The following MYSM1 variants were observed in gnomAD, a reference collection of about 807,000 sequenced individuals.
MYSM1 encodes Myb like, SWIRM and MPN domains 1.
In MYSM1, 51 loss-of-function variants were observed where a neutral mutation model predicts 116.0. The ratio of observed to expected loss-of-function variants is 0.44; its 90% CI spans 0.35 to 0.56. MYSM1 has a LOEUF of 0.56. MYSM1 is among the 20% of genes least tolerant of loss of function. The probability of loss-of-function intolerance (pLI) is 0.00; values close to 1 mark genes in which losing one functional copy is unlikely to be tolerated. For synonymous variants in MYSM1, 313 were observed against 315.2 expected, an observed-to-expected ratio of 0.99 and a Z score of 0.07; for missense variants, 900 against 974.9, an observed-to-expected ratio of 0.92 and a Z score of 1.02.
rs928608515 is a variant in MYSM1 at position 58,656,729 on chromosome 1, C to T, written c.*3268G>A. 4.6e-5 allele frequency: 7 copies of T among 152,136 alleles called. No individual in the cohort carries two copies. The highest frequency in any genetic ancestry group is 1.7e-4 in the African/African-American group (7 of 41,416). The allele number at this position is 152,136 out of a possible 1,614,324, so 9.4% of individuals were successfully genotyped here. A position where few individuals can be genotyped will look rare whatever the true frequency, so the allele number is the denominator to read the frequency against. Reference sequence around the variant, plus strand: ...GGAGAAGGGGACAGAATAATGACTGCTATTTTTCCAATGATGCCCTTCAGA... The same window carrying T: ...GGAGAAGGGGACAGAATAATGACTGTTATTTTTCCAATGATGCCCTTCAGA... On this transcript the variant is annotated 3_prime_UTR_variant, in exon 20 of 20. Transcript: ENST00000472487.
At chr1:58,686,601 C>T (rs1221783771) in intron 6 of MYSM1, among the ~76,000 whole-genome samples, 1 of 152,168 alleles carries the variant, frequency 6.6e-6, no homozygotes, top group African/African-American at 2.4e-5. Flanking sequence ...TTCTTAAACT[C>T]AAAGTGCTTC....
chr1:58,665,273 C>T (rs1212045644), intron 17 of MYSM1, among the ~76,000 whole-genome samples: 2 of 152,160 alleles, frequency 1.3e-5, no homozygotes, highest in Non-Finnish European at 2.9e-5. Context: ...TATTTCAATC[C>T]TTTTGCCCAG....
Position 58,679,427 on chromosome 1 carries a change from T to A in MYSM1, c.1259+2358A>T, listed in dbSNP as rs987556227. Among the ~76,000 whole-genome samples, 3 of 152,152 alleles carry A rather than the reference T, an allele frequency of 2.0e-5. No homozygotes were observed. The East Asian group carries it at 5.8e-4, about 29-fold the overall frequency. On this transcript the variant is annotated intron_variant, in intron 8 of 19. Transcript: ENST00000472487. The stretch of plus-strand genomic sequence containing the variant: ...AAAATTCAAAGTAACAAATATAGAA[T>A]TTGATTAAAGTAACAAGAATATAGT...
intron 15 of MYSM1, 64 bp downstream of exon 15, chr1:58,667,783 A>G (rs1644496476): frequency 3.2e-6 from 3 of 947,664 alleles, no homozygotes; most frequent in Non-Finnish European, 5.1e-6. Flanking sequence ...TGAATTCTAT[A>G]AAAATATTTG....
intron 17 of MYSM1, among the ~76,000 whole-genome samples, chr1:58,663,188 T>G (rs1015184139): frequency 2.0e-5 from 3 of 152,006 alleles, no homozygotes; most frequent in African/African-American, 4.8e-5. Flanking sequence ...AAGATGAAAA[T>G]AAAGAGAGGT....
intron 7 of MYSM1, 106 bp from the exon 8 acceptor site, chr1:58,682,651 T>C (rs888290183): frequency 9.4e-7 from 1 of 1,063,442 alleles, no homozygotes; most frequent in South Asian, 2.0e-5. Context: ...ACTGAATACA[T>C]GTAAATGGTA....
chr1:58,661,650 G>A (rs1644393968), intron 17 of MYSM1, 139 bp from the exon 18 acceptor site: 3 of 539,166 alleles, frequency 5.6e-6, no homozygotes, highest in Non-Finnish European at 9.9e-6. Flanking sequence ...TAAACATAGT[G>A]GGCATTCATT....
intron 12 of MYSM1, among the ~76,000 whole-genome samples, chr1:58,669,983 A>G: frequency 6.6e-6 from 1 of 152,180 alleles, no homozygotes; most frequent in East Asian, 1.9e-4. Flanking sequence ...TAAGAACAAT[A>G]AAAAGGTTTT....
intron 7 of MYSM1, among the ~76,000 whole-genome samples, chr1:58,683,551 G>A (rs1298536302): frequency 1.3e-5 from 2 of 152,072 alleles, no homozygotes; most frequent in East Asian, 3.9e-4. Context: ...ATCTGGTAAT[G>A]TAACAACAAC....
At chr1:58,671,125 CACT>C (rs1262306258) in intron 12 of MYSM1, among the ~76,000 whole-genome samples, 2 of 152,134 alleles carry the variant, frequency 1.3e-5, no homozygotes, top group African/African-American at 4.8e-5. Context: ...TCAACAGCTC[CACT>C]ACTTGACAGC....
intron 13 of MYSM1, 68 bp downstream of exon 13, chr1:58,668,916 G>C: frequency 8.3e-7 from 1 of 1,202,544 alleles, no homozygotes; most frequent in Non-Finnish European, 1.1e-6. Context: ...CGGAAAAAGA[G>C]TAAGCATTTC....
chr1:58,673,314 T>C (rs899133185), intron 11 of MYSM1, among the ~76,000 whole-genome samples: 2 of 152,198 alleles, frequency 1.3e-5, no homozygotes, highest in Non-Finnish European at 2.9e-5. Flanking sequence ...ACCAACTTCT[T>C]GACACCCTTA....
In MYSM1 at chr1:58,689,124, GA is replaced by G. The variant is rs760341236; in HGVS notation, c.321-9del. ...TTTGTAGGAGAGTGTACCCTGAGGG[GA>G]AAAAAAGGAATTGCAAAAAAAATTT... On this transcript the variant is annotated splice_polypyrimidine_tract_variant and intron_variant, in intron 5 of 19. Coordinates refer to ENST00000472487, the MANE Select transcript of MYSM1 (RefSeq NM_001085487.3). 1.8e-5 allele frequency: 28 copies of G among 1,580,118 alleles called. No individual in the cohort carries two copies. The highest frequency in any genetic ancestry group is 1.4e-4 in the Admixed American group (7 of 48,974).
intron 17 of MYSM1, among the ~76,000 whole-genome samples, chr1:58,662,101 C>T (rs1432571676): frequency 2.0e-5 from 3 of 151,890 alleles, no homozygotes; most frequent in Non-Finnish European, 4.4e-5. Flanking sequence ...ACTCATTCCA[C>T]CTCCCTAGAA....
chr1:58,668,693 A>AAAAAC lies in MYSM1; in HGVS notation c.1717-16_1717-12dup, dbSNP rs1274264102. The AAAAAC allele has an allele frequency of 1.2e-5, 19 of 1,598,388 alleles. No homozygotes were observed. Among genetic ancestry groups the AAAAAC allele is most frequent in the Middle Eastern group, 3.3e-4 (2 of 6,058 alleles). On this transcript the variant is annotated splice_polypyrimidine_tract_variant and intron_variant, in intron 13 of 19. Coordinates refer to ENST00000472487, the MANE Select transcript of MYSM1 (RefSeq NM_001085487.3). ...CACCTGAAATGGCTCCTGAAATATAAAAAACAAAACAAAACGGGGGAGCAT... is the reference window on the plus strand; with the variant it reads ...CACCTGAAATGGCTCCTGAAATATAAAAAACAAAACAAAACAAAACGGGGGAGCAT...
At chr1:58,674,933 AAAAAAAAAAG>A in intron 10 of MYSM1, among the ~76,000 whole-genome samples, 1 of 149,714 alleles carries the variant, frequency 6.7e-6, no homozygotes, top group Non-Finnish European at 1.5e-5. Flanking sequence ...TCTCAAAAAA[AAAAAAAAAAG>A]AAAAAAAAAG....
chr1:58,682,346 G>C lies in MYSM1; in HGVS notation c.698C>G (p.Ser233Cys). ...AGAATTCTTCTGGGGTGTTTGAGAA[G>C]ACAACTCGTCCACCTCATCTGTGAT... Reference protein sequence around the residue: ...VDITDEVDELSSQTPQKNSSS... With the variant: ...VDITDEVDELCSQTPQKNSSS... Residue 233 changes from serine (S) to cysteine (C), a missense_variant, in exon 8 of 20, where the codon TCT becomes TGT. Ser to Cys is a moderately radical substitution (Grantham distance 112). Around this residue, in one of 3 missense-constraint regions of MYSM1, gnomAD observed 622 missense variants for 623.7 expected, o/e 1.00. Transcript: ENST00000472487. The C allele has an allele frequency of 6.2e-7, 1 of 1,614,082 alleles. No homozygotes were observed. Among genetic ancestry groups the C allele is most frequent in the Non-Finnish European group, 8.5e-7 (1 of 1,179,994 alleles).
rs766395386 is a variant in MYSM1 at position 58,658,872 on chromosome 1, CA to C, written c.*1124del. On this transcript the variant is annotated 3_prime_UTR_variant, in exon 20 of 20. Coordinates refer to ENST00000472487, the MANE Select transcript of MYSM1 (RefSeq NM_001085487.3). ...TTCTAATGTTTAAAATTCTCTAGAT[CA>C]AGGGTTGGAGAATAATAGCCAACAG... is the stretch of plus-strand genomic sequence containing the variant. 86 of 150,790 alleles carry C rather than the reference CA, an allele frequency of 5.7e-4. No individual in the cohort carries two copies. The highest frequency in any genetic ancestry group is 1.1e-3 in the Non-Finnish European group (78 of 67,862). The allele number at this position is 150,790 out of a possible 1,614,324, so 9.3% of individuals were successfully genotyped here. A position where few individuals can be genotyped will look rare whatever the true frequency, so the allele number is the denominator to read the frequency against.
intron 10 of MYSM1, 67 bp downstream of exon 10, chr1:58,675,410 T>G: frequency 8.8e-7 from 1 of 1,136,576 alleles, no homozygotes; most frequent in Non-Finnish European, 1.3e-6. Context: ...TCAAGGTAAG[T>G]ACGTAAACCA....
Sources: allele counts gnomAD v4.1 joint callset (sites outside exome capture counted in the v4.1 genomes callset), GRCh38; gene constraint gnomAD v4.1.1; regional missense constraint gnomAD v4.1.1; transcripts MANE v1.5; gene names NCBI Gene and HGNC (gene_info 2026-07-23, HGNC 2026-07-21).